The following GALNT7 variants were observed in gnomAD, a reference collection of about 807,000 sequenced individuals.
GALNT7 encodes the protein polypeptide N-acetylgalactosaminyltransferase 7.
A neutral mutation model predicts 82.1 loss-of-function variants in GALNT7; 60 were observed. The observed-to-expected ratio is 0.73, with a 90% CI of 0.59 to 0.91. GALNT7 has a LOEUF of 0.91. GALNT7 is among the 40% of genes least tolerant of loss of function. The pLI is 0.00. For missense variants in GALNT7, 660 were observed against 804.2 expected (o/e 0.82, Z 2.17); for synonymous variants, 243 against 275.1 (o/e 0.88, Z 1.15).
At chr4:173,198,764 C>G (rs965084830) in intron 1 of GALNT7, among the ~76,000 whole-genome samples, 10 of 151,826 alleles carry the variant, frequency 6.6e-5, no homozygotes, top group Admixed American at 6.6e-4. Context: ...GCTGCTTCAG[C>G]GAGGACTGGG....
At chr4:173,241,537 T>C (rs1216945610) in intron 1 of GALNT7, among the ~76,000 whole-genome samples, 1 of 152,180 alleles carries the variant, frequency 6.6e-6, no homozygotes, top group Non-Finnish European at 1.5e-5. Context: ...AGTTGCAAAA[T>C]TGTGAGATTT....
chr4:173,313,086 G>A (rs10007072), intron 8 of GALNT7, among the ~76,000 whole-genome samples: 146,770 of 152,112 alleles, frequency 0.96, 70,953 homozygotes, highest in Non-Finnish European at 1. Flanking sequence ...TTAAATTAAA[G>A]AAAGGAACCA....
intron 2 of GALNT7, among the ~76,000 whole-genome samples, chr4:173,254,392 A>G (rs1220660198): frequency 6.6e-6 from 1 of 152,102 alleles, no homozygotes. Context: ...GATATCTACC[A>G]AGCTATTTAG....
intron 2 of GALNT7, among the ~76,000 whole-genome samples, chr4:173,289,495 A>T (rs1736459974): frequency 1.3e-5 from 2 of 152,216 alleles, no homozygotes; most frequent in Non-Finnish European, 2.9e-5. Flanking sequence ...AAGCTTTTGT[A>T]AGAAACTCTT....
At chr4:173,176,173 A>C (rs767822251) in intron 1 of GALNT7, among the ~76,000 whole-genome samples, 18 of 152,218 alleles carry the variant, frequency 1.2e-4, no homozygotes, top group Non-Finnish European at 2.4e-4. Context: ...CTTCAGGAGT[A>C]AGTGTAAGAC....
chr4:173,206,572 C>T (rs537363541), intron 1 of GALNT7, among the ~76,000 whole-genome samples: 18 of 152,206 alleles, frequency 1.2e-4, no homozygotes, highest in Non-Finnish European at 1.3e-4. Flanking sequence ...GTTCAAACTT[C>T]AGTCTTTGTG....
At chr4:173,305,324 C>T (rs755305105) in intron 8 of GALNT7, among the ~76,000 whole-genome samples, 73 of 152,132 alleles carry the variant, frequency 4.8e-4, no homozygotes, top group Non-Finnish European at 1.0e-3. Context: ...TTCTATGTTA[C>T]GGATATTAGC....
intron 2 of GALNT7, among the ~76,000 whole-genome samples, chr4:173,281,027 C>T (rs1352833865): frequency 6.6e-6 from 1 of 152,194 alleles, no homozygotes; most frequent in African/African-American, 2.4e-5. Flanking sequence ...AGTGTCCAAT[C>T]CAGTCGGCCC....
At chr4:173,182,212 A>G (rs1579884286) in intron 1 of GALNT7, among the ~76,000 whole-genome samples, 2 of 152,240 alleles carry the variant, frequency 1.3e-5, no homozygotes, top group African/African-American at 4.8e-5. Context: ...GTAATGATTT[A>G]TGATTCTGCA....
At chr4:173,247,716 A>C (rs570070187) in intron 1 of GALNT7, among the ~76,000 whole-genome samples, 1 of 152,314 alleles carries the variant, frequency 6.6e-6, no homozygotes, top group South Asian at 2.1e-4. Flanking sequence ...TTGATAGAGA[A>C]GTAGATTTGT....
intron 1 of GALNT7, among the ~76,000 whole-genome samples, chr4:173,194,093 C>T (rs1233814226): frequency 6.6e-6 from 1 of 152,116 alleles, no homozygotes. Flanking sequence ...TTAAATATTT[C>T]TTTAATGGCT....
Position 173,304,185 on chromosome 4 carries a change from A to C in GALNT7, c.1389+67A>C, listed in dbSNP as rs555217805. 6.5e-6 allele frequency: 9 copies of C among 1,386,150 alleles called. No homozygotes were observed. In the Admixed American group the frequency reaches 1.9e-4, roughly 29 times the overall value. 85.9% of individuals were successfully genotyped at this position (1,386,150 alleles called of 1,614,324 possible). On this transcript the variant is annotated intron_variant, in intron 8 of 11. Coordinates refer to ENST00000265000, the MANE Select transcript of GALNT7 (RefSeq NM_017423.3). ...TTATGTACCACATGCTATAGTAGTT[A>C]CTTAACAATTGTCAGCTTATTGAGT...
chr4:173,209,123 T>G (rs1386617743), intron 1 of GALNT7, among the ~76,000 whole-genome samples: 1 of 152,234 alleles, frequency 6.6e-6, no homozygotes, highest in Middle Eastern at 3.2e-3. Context: ...TTCTTTAACC[T>G]GTCTCTGATG....
rs750328859 is a variant in GALNT7 at position 173,321,660 on chromosome 4, T to G, written c.1917T>G (p.Asn639Lys). 2.5e-6 allele frequency: 4 copies of G among 1,606,122 alleles called. No homozygotes were observed. In the South Asian group the frequency reaches 3.3e-5, roughly 13 times the overall value. The change falls in exon 12 of 12, where the codon AAT (asparagine) becomes AAG (lysine). Residue 639 changes from asparagine (N) to lysine (K), a missense_variant. Transcript: ENST00000265000. The part of the protein sequence containing the change: ...SEVLHQVFIS[N>K]CDSSKTTQKW... ...TCCTGCATCAAGTATTCATCTCCAA[T>G]TGTGACTCCAGTAAAACGACTCAAA...
At chr4:173,216,727 A>ATGTTTTTTTT (rs71244915) in intron 1 of GALNT7, among the ~76,000 whole-genome samples, 1 of 12,980 alleles carries the variant, frequency 7.7e-5, no homozygotes, top group Non-Finnish European at 1.4e-4. Context: ...ATATATATAT[A>ATGTTTTTTTT]TTTTTTTTTT....
chr4:173,292,067 G>C lies in GALNT7; in HGVS notation c.588-41G>C. 5.0e-6 allele frequency: 7 copies of C among 1,394,804 alleles called. No homozygotes were observed. Among genetic ancestry groups the C allele is most frequent in the Non-Finnish European group, 7.1e-6 (7 of 986,040 alleles). The allele number at this position is 1,394,804 out of a possible 1,614,324, so 86.4% of individuals were successfully genotyped here. A position where few individuals can be genotyped will look rare whatever the true frequency, so the allele number is the denominator to read the frequency against. On this transcript the variant is annotated intron_variant, in intron 2 of 11. Transcript: ENST00000265000. This position sits in a 1 kb window ranked among gnomAD's most constrained non-coding sequence, Gnocchi z 4.8. Reference sequence around the variant, plus strand: ...AGTCAGCTTGGAGCCAAGCAGTATAGATTACCTGTAAATAAATATGATGAA... The same window carrying C: ...AGTCAGCTTGGAGCCAAGCAGTATACATTACCTGTAAATAAATATGATGAA...
intron 1 of GALNT7, among the ~76,000 whole-genome samples, chr4:173,228,137 A>G (rs191746916): frequency 1.3e-5 from 2 of 151,738 alleles, no homozygotes; most frequent in Admixed American, 1.3e-4. Context: ...TTTCTGAATA[A>G]ATAGTTTTAA....
chr4:173,309,887 A>G (rs1737313918), intron 8 of GALNT7, among the ~76,000 whole-genome samples: 1 of 152,210 alleles, frequency 6.6e-6, no homozygotes, highest in Non-Finnish European at 1.5e-5. Flanking sequence ...TGGACTCAAC[A>G]ATCACGAAGA....
chr4:173,311,096 C>G (rs115236819), intron 8 of GALNT7, among the ~76,000 whole-genome samples: 1 of 152,214 alleles, frequency 6.6e-6, no homozygotes. Context: ...ACTTGCTATA[C>G]TGCAATACAC....
Sources: gnomAD v4.1 joint callset for allele counts (sites outside exome capture counted in the v4.1 genomes callset) on GRCh38, gnomAD v4.1.1 for gene constraint, Gnocchi (gnomAD v3.1) non-coding constraint, MANE v1.5 for transcripts, NCBI Gene and HGNC (gene_info 2026-07-23, HGNC 2026-07-21) for gene names.